Variants in NCAPD3 observed in about 807,000 individuals in gnomAD.
The protein encoded by NCAPD3 is non-SMC condensin II complex subunit D3.
Under a neutral mutation model 182.9 loss-of-function variants are expected in NCAPD3, and 105 were observed. That is an observed-to-expected ratio of 0.57 (90% CI 0.49 to 0.68). The LOEUF (loss-of-function observed/expected upper bound fraction) is 0.68, where lower values mean the gene tolerates loss of function less well. NCAPD3 is among the 30% of genes least tolerant of loss of function. NCAPD3 has a pLI of 0.00. For synonymous variants in NCAPD3, 815 were observed against 679.9 expected (o/e 1.20, Z -3.09); for missense variants, 1,944 against 1,837.0 (o/e 1.06, Z -1.07).
chr11:134,211,305 G>C (rs770313447), intron 3 of NCAPD3, among the ~76,000 whole-genome samples: 5 of 152,152 alleles, frequency 3.3e-5, no homozygotes, highest in Non-Finnish European at 7.4e-5. Flanking sequence ...TACTTCAATA[G>C]TATTTAAAGG....
At chr11:134,218,786 C>T (rs1187585023) in intron 2 of NCAPD3, among the ~76,000 whole-genome samples, 1 of 152,128 alleles carries the variant, frequency 6.6e-6, no homozygotes, top group Admixed American at 6.5e-5. Flanking sequence ...AATTGTAACT[C>T]CGGATCATGC....
intron 2 of NCAPD3, among the ~76,000 whole-genome samples, chr11:134,219,606 A>G (rs1938154963): frequency 6.6e-6 from 1 of 152,128 alleles, no homozygotes; most frequent in South Asian, 2.1e-4. Flanking sequence ...TTGTTCATTT[A>G]AATGTTTCAG....
intron 2 of NCAPD3, among the ~76,000 whole-genome samples, chr11:134,217,513 C>G (rs1938071725): frequency 6.6e-6 from 1 of 151,986 alleles, no homozygotes; most frequent in Non-Finnish European, 1.5e-5. Flanking sequence ...AATCAGAGCC[C>G]TTTATTTAAA....
chr11:134,203,919 GA>G lies in NCAPD3; in HGVS notation c.1216-14del. ...CCCGGTGTGGGATCTGGTAAAGCAA[GA>G]TCATAAGAATTGCCATCAGATAGGA... On this transcript the variant is annotated splice_polypyrimidine_tract_variant and intron_variant, in intron 10 of 34. Coordinates refer to ENST00000534548, the MANE Select transcript of NCAPD3 (RefSeq NM_015261.3). 1 of 1,610,552 alleles carries G rather than the reference GA, an allele frequency of 6.2e-7. No homozygotes were observed. The highest frequency in any genetic ancestry group is 1.1e-5 in the South Asian group (1 of 90,902).
At chr11:134,157,671 C>T (rs565774506) in intron 31 of NCAPD3, among the ~76,000 whole-genome samples, 4 of 152,264 alleles carry the variant, frequency 2.6e-5, no homozygotes, top group East Asian at 1.9e-4. Context: ...AAACAAAACA[C>T]GTGTGTGTAA....
At chr11:134,164,962 G>T (rs566393791) in intron 27 of NCAPD3, among the ~76,000 whole-genome samples, 1 of 151,354 alleles carries the variant, frequency 6.6e-6, no homozygotes, top group South Asian at 2.1e-4. Flanking sequence ...TGTGACATAA[G>T]CTTAGGGGAG....
At chr11:134,158,238 C>A in intron 30 of NCAPD3, 91 bp downstream of exon 30, 2 of 1,559,770 alleles carry the variant, frequency 1.3e-6, no homozygotes, top group Admixed American at 3.5e-5. Flanking sequence ...ATGACAATGA[C>A]TTTCCTGCCC....
intron 8 of NCAPD3, 48 bp downstream of exon 8, chr11:134,206,545 CCAGAGT>C: frequency 1.3e-6 from 2 of 1,599,302 alleles, no homozygotes; most frequent in Non-Finnish European, 1.7e-6. Context: ...AGTGCAGGGC[CCAGAGT>C]ACTGAGGGAG....
intron 24 of NCAPD3, among the ~76,000 whole-genome samples, chr11:134,172,778 G>A (rs980617799): frequency 7.2e-5 from 11 of 151,990 alleles, no homozygotes; most frequent in Non-Finnish European, 1.0e-4. Flanking sequence ...GGTGGCTCAC[G>A]CCCAATCCCA....
At chr11:134,181,359 A>G (rs1039297799) in intron 19 of NCAPD3, among the ~76,000 whole-genome samples, 175 bp from the exon 20 acceptor site, 2 of 152,232 alleles carry the variant, frequency 1.3e-5, no homozygotes, top group African/African-American at 2.4e-5. Context: ...CATTTAAGCA[A>G]TCTAGCCATG....
chr11:134,222,974 G>C (rs1267306072), intron 1 of NCAPD3: 1 of 162,852 alleles, frequency 6.1e-6, no homozygotes, highest in Non-Finnish European at 1.3e-5. Context: ...GGTTTAGCAA[G>C]GATAAACAAC....
chr11:134,162,021 A>G, intron 27 of NCAPD3, 130 bp from the exon 28 acceptor site: 1 of 569,534 alleles, frequency 1.8e-6, no homozygotes, highest in Non-Finnish European at 3.0e-6. Context: ...TCATTATGAT[A>G]CTGGATGTAG....
chr11:134,181,225 T>C (rs781466666), intron 19 of NCAPD3, 41 bp from the exon 20 acceptor site: 25 of 1,302,150 alleles, frequency 1.9e-5, no homozygotes, highest in Admixed American at 8.8e-5. Context: ...GCCCCGCACA[T>C]CTCCCAGACT....
intron 30 of NCAPD3, 71 bp from the exon 31 acceptor site, chr11:134,158,138 G>A: frequency 6.4e-7 from 1 of 1,556,342 alleles, no homozygotes; most frequent in South Asian, 1.2e-5. Context: ...GCTGCACTGT[G>A]TCCCCGCGTG....
At chr11:134,159,810 G>C (rs777161721) in intron 29 of NCAPD3, 82 bp downstream of exon 29, 77 of 1,412,940 alleles carry the variant, frequency 5.4e-5, no homozygotes, top group Middle Eastern at 2.4e-4. Flanking sequence ...CGGAGATCTT[G>C]AGAGGTGCCA....
chr11:134,204,259 A>C lies in NCAPD3; in HGVS notation c.1090-88T>G. ...CTGTAATATAAGTTGAAAGTCAGTG[A>C]GTACAACTAGTTCAATGACCTTTAA... On this transcript the variant is annotated intron_variant, in intron 9 of 34. Transcript: ENST00000534548. This position sits in a 1 kb window ranked among gnomAD's most constrained non-coding sequence, Gnocchi z 4.3. 2.1e-6 allele frequency: 3 copies of C among 1,404,766 alleles called. No homozygotes were observed. Among genetic ancestry groups the C allele is most frequent in the Non-Finnish European group, 2.9e-6 (3 of 1,024,580 alleles). 87.0% of individuals were successfully genotyped at this position (1,404,766 alleles called of 1,614,324 possible). A position where few individuals can be genotyped will look rare whatever the true frequency, so the allele number is the denominator to read the frequency against.
At chr11:134,203,563 T>G in intron 11 of NCAPD3, 91 bp downstream of exon 11, 1 of 1,495,664 alleles carries the variant, frequency 6.7e-7, no homozygotes, top group African/African-American at 1.4e-5. Flanking sequence ...CCATACCTAT[T>G]ACTTTTGCCA....
chr11:134,157,266 G>GA (rs955496101), intron 31 of NCAPD3, among the ~76,000 whole-genome samples, 171 bp from the exon 32 acceptor site: 2 of 152,028 alleles, frequency 1.3e-5, no homozygotes, highest in Non-Finnish European at 1.5e-5. Flanking sequence ...ATAAACATGA[G>GA]AAAAAATGTC....
chr11:134,184,851 CT>C, intron 18 of NCAPD3, 51 bp downstream of exon 18: 1 of 1,170,308 alleles, frequency 8.5e-7, no homozygotes, highest in Non-Finnish European at 1.2e-6. Flanking sequence ...ACACACACAC[CT>C]GAAATGAACA....
Sources: gnomAD v4.1 joint callset for allele counts (sites outside exome capture counted in the v4.1 genomes callset) on GRCh38, gnomAD v4.1.1 for gene constraint, Gnocchi (gnomAD v3.1) non-coding constraint, MANE v1.5 for transcripts, NCBI Gene and HGNC (gene_info 2026-07-23, HGNC 2026-07-21) for gene names.